SLC12A7: variants seen among roughly 807,000 people sequenced by gnomAD.
The protein encoded by SLC12A7 is solute carrier family 12 member 7.
Under a neutral mutation model 120.6 loss-of-function variants are expected in SLC12A7, and 100 were observed. The ratio of observed to expected loss-of-function variants is 0.83; its 90% CI spans 0.71 to 0.98. SLC12A7 has a LOEUF of 0.98. Among genes scored for constraint, SLC12A7 ranks in the 50% least tolerant of loss-of-function variants. The pLI, the probability that SLC12A7 is intolerant of heterozygous loss-of-function variation, is 0.00. For synonymous variants in SLC12A7, 760 were observed against 678.0 expected (o/e 1.12, Z -1.88); for missense variants, 1,373 against 1,548.1 (o/e 0.89, Z 1.90).
intron 1 of SLC12A7, among the ~76,000 whole-genome samples, chr5:1,103,463 GCA>G (rs1271631086): frequency 1.3e-5 from 2 of 152,156 alleles, no homozygotes; most frequent in African/African-American, 2.4e-5. Context: ...GTGTACACAT[GCA>G]CAGACAGGCA....
intron 1 of SLC12A7, among the ~76,000 whole-genome samples, chr5:1,106,747 A>G (rs1742561081): frequency 6.6e-6 from 1 of 152,258 alleles, no homozygotes; most frequent in African/African-American, 2.4e-5. Context: ...ACTAAGCCAC[A>G]GGCAAGAGTC....
intron 1 of SLC12A7, among the ~76,000 whole-genome samples, chr5:1,096,759 GGAAGGAAA>G (rs1741222095): frequency 1.8e-4 from 3 of 16,632 alleles, no homozygotes; most frequent in East Asian, 2.6e-3. Flanking sequence ...GAAGGAGGGA[GGAAGGAAA>G]GGAGGGAGGG....
At chr5:1,055,766 G>T (rs529778306) in intron 22 of SLC12A7, among the ~76,000 whole-genome samples, 1 of 152,204 alleles carries the variant, frequency 6.6e-6, no homozygotes, top group African/African-American at 2.4e-5. Context: ...GTCGTTCTTC[G>T]GCTTTAATTA....
chr5:1,112,351 G>GCCCCCCCCGC (rs1462626522), upstream of SLC12A7, among the ~76,000 whole-genome samples: 2 of 52,650 alleles, frequency 3.8e-5, no homozygotes, highest in Non-Finnish European at 6.8e-5. Flanking sequence ...GCCCTCCCCG[G>GCCCCCCCCGC]CCCCCTCCCC....
Position 1,065,497 on chromosome 5 carries a change from G to T in SLC12A7, c.2242-19C>A, listed in dbSNP as rs1429343440. 1.9e-6 allele frequency: 3 copies of T among 1,546,574 alleles called. No homozygotes were observed. Among genetic ancestry groups the T allele is most frequent in the Admixed American group, 1.9e-5 (1 of 53,734 alleles). On this transcript the variant is annotated intron_variant, in intron 17 of 23. Transcript: ENST00000264930. Reference sequence around the variant, plus strand: ...GTATGTTCTGCGGGAGACAGGACAGGTTGGTGCTACAGCAGGAATGGGGTG... The same window carrying T: ...GTATGTTCTGCGGGAGACAGGACAGTTTGGTGCTACAGCAGGAATGGGGTG...
At position 1,109,173 on chromosome 5, in the gene SLC12A7, T is replaced by C. The variant is rs188749307; in HGVS notation, c.124+2695A>G. On this transcript the variant is annotated intron_variant, in intron 1 of 23. Transcript: ENST00000264930. ...TGACAGAGGCTCTGCACGCTGCACC[T>C]TCCAGACAGGCCGGGGCACTGGCCA... Among the ~76,000 whole-genome samples, 239 of 152,222 alleles carry C rather than the reference T, an allele frequency of 1.6e-3. 1 individual carries two copies. Among genetic ancestry groups the C allele is most frequent in the Non-Finnish European group, 1.9e-3 (132 of 67,996 alleles).
chr5:1,155,727 G>C, the SLC12A7 span, among the ~76,000 whole-genome samples: 1 of 150,974 alleles, frequency 6.6e-6, no homozygotes, highest in Non-Finnish European at 1.5e-5. Context: ...GTCCTCGTCA[G>C]GCGGCTCGGG....
At chr5:1,148,545 T>G in the SLC12A7 span, among the ~76,000 whole-genome samples, 1 of 152,204 alleles carries the variant, frequency 6.6e-6, no homozygotes, top group Non-Finnish European at 1.5e-5. Flanking sequence ...TTCCACTACA[T>G]GTACTATCAA....
intron 15 of SLC12A7, 97 bp downstream of exon 15, chr5:1,075,274 C>CCCAGGGAGGCCCCT (rs1738196637): frequency 1.3e-6 from 2 of 1,501,710 alleles, no homozygotes; most frequent in Admixed American, 2.0e-5. Context: ...ACGCTCAAGC[C>CCCAGGGAGGCCCCT]CCAGGGAGGC....
the SLC12A7 span, among the ~76,000 whole-genome samples, chr5:1,130,699 C>A: frequency 6.6e-6 from 1 of 151,840 alleles, no homozygotes; most frequent in African/African-American, 2.4e-5. Context: ...GAGGGAGCAG[C>A]GGGAGCTTCC....
rs761142299 is a variant in SLC12A7 at position 1,085,130 on chromosome 5, G to A, written c.917+102C>T. On this transcript the variant is annotated intron_variant, in intron 7 of 23. Coordinates refer to ENST00000264930, the MANE Select transcript of SLC12A7 (RefSeq NM_006598.3). ...CGGTCACACCCAGCCCACCCCTTGCGGGGAGCTCGGCGTCAAGGATGATGG... is the reference window on the plus strand; with the variant it reads ...CGGTCACACCCAGCCCACCCCTTGCAGGGAGCTCGGCGTCAAGGATGATGG... 1,034 of 1,488,818 alleles carry A rather than the reference G, an allele frequency of 6.9e-4. 1 individual carries two copies. Among genetic ancestry groups the A allele is most frequent in the South Asian group, 9.5e-4 (72 of 75,570 alleles). 92.2% of individuals were successfully genotyped at this position (1,488,818 alleles called of 1,614,324 possible).
chr5:1,145,180 G>C, the SLC12A7 span, among the ~76,000 whole-genome samples: 2 of 152,378 alleles, frequency 1.3e-5, no homozygotes, highest in South Asian at 4.1e-4. This position sits in a 1 kb window ranked among gnomAD's most constrained non-coding sequence, Gnocchi z 4.4. Context: ...CTTGGGTGTG[G>C]GGTCTCTGGA....
the SLC12A7 span, among the ~76,000 whole-genome samples, chr5:1,148,770 G>A: frequency 6.6e-6 from 1 of 152,206 alleles, no homozygotes; most frequent in South Asian, 2.1e-4. Flanking sequence ...GGTTAAAGCA[G>A]AGGGACTTCC....
chr5:1,082,152 G>A lies in SLC12A7; in HGVS notation c.1130-408C>T, dbSNP rs1022911229. ...CCCGTCTCGGGTTCTGGGGAAGTCC[G>A]GGCTTCCCGTCTCAGGTTCTGGAAA... On this transcript the variant is annotated intron_variant, in intron 8 of 23. Transcript: ENST00000264930. Among the ~76,000 whole-genome samples, 13 of 146,410 alleles carry A rather than the reference G, an allele frequency of 8.9e-5. No homozygotes were observed. In the East Asian group the frequency reaches 1.3e-3, roughly 14 times the overall value.
chr5:1,052,918 C>T (rs1735206083), intron 23 of SLC12A7, among the ~76,000 whole-genome samples: 2 of 152,250 alleles, frequency 1.3e-5, no homozygotes, highest in Admixed American at 1.3e-4. Flanking sequence ...AGTTCTCCTT[C>T]CAAAGCACAA....
rs539993535 is a variant in SLC12A7, at chr5:1,098,003, G to A, written c.125-3755C>T. 6.0e-4 allele frequency among the ~76,000 whole-genome samples: 91 copies of A among 152,034 alleles called. 1 individual carries two copies. The highest frequency in any genetic ancestry group is 1.9e-3 in the African/African-American group (77 of 41,406). On this transcript the variant is annotated intron_variant, in intron 1 of 23. Transcript: ENST00000264930. The stretch of plus-strand genomic sequence containing the variant: ...TGAACCAAGAGTGCGTCCCGGGGAC[G>A]TCATGGGCTCAATGCCATCCCAGTC...
At chr5:1,066,396 G>T (rs1280964030) in intron 17 of SLC12A7, among the ~76,000 whole-genome samples, 1 of 152,172 alleles carries the variant, frequency 6.6e-6, no homozygotes, top group Non-Finnish European at 1.5e-5. Context: ...ATTTACATGA[G>T]AGTTGGGACT....
chr5:1,093,839 C>T (rs1444907165), intron 2 of SLC12A7, among the ~76,000 whole-genome samples, 184 bp from the exon 3 acceptor site: 1 of 152,214 alleles, frequency 6.6e-6, no homozygotes, highest in Non-Finnish European at 1.5e-5. Flanking sequence ...GGCTCCAGGC[C>T]TCACTGAGTG....
intron 21 of SLC12A7, among the ~76,000 whole-genome samples, chr5:1,059,747 C>G (rs894569360): frequency 5.1e-4 from 70 of 136,452 alleles, no homozygotes; most frequent in Non-Finnish European, 8.3e-4. Flanking sequence ...GGAGGCTGCA[C>G]AGGTCTGTGT....
Sources: allele counts gnomAD v4.1 joint callset (sites outside exome capture counted in the v4.1 genomes callset), GRCh38; gene constraint gnomAD v4.1.1; non-coding constraint Gnocchi (gnomAD v3.1); transcripts MANE v1.5; gene names NCBI Gene and HGNC (gene_info 2026-07-23, HGNC 2026-07-21).